Variants in PLD5 observed in about 807,000 individuals in gnomAD.
The protein encoded by PLD5 is phospholipase D family member 5.
Under a neutral mutation model 61.1 loss-of-function variants are expected in PLD5, and 36 were observed. The observed-to-expected ratio is 0.59, with a 90% CI of 0.45 to 0.78. The LOEUF (loss-of-function observed/expected upper bound fraction) is 0.78, where lower values mean the gene tolerates loss of function less well. PLD5 is among the 30% of genes least tolerant of loss of function. The probability of loss-of-function intolerance (pLI) is 0.00; values close to 1 mark genes in which losing one functional copy is unlikely to be tolerated. For missense variants in PLD5, 515 were observed against 644.4 expected (o/e 0.80, Z 2.17); for synonymous variants, 243 against 242.8 (o/e 1.00, Z -0.01).
intron 2 of PLD5, among the ~76,000 whole-genome samples, chr1:242,347,421 T>G (rs945970199): frequency 8.5e-5 from 13 of 152,176 alleles, no homozygotes; most frequent in African/African-American, 3.1e-4. Context: ...CTGCCTGCTT[T>G]TGGTACTTTT....
chr1:242,180,046 TTTTAG>T, intron 5 of PLD5, among the ~76,000 whole-genome samples: 1 of 152,274 alleles, frequency 6.6e-6, no homozygotes, highest in African/African-American at 2.4e-5. Flanking sequence ...GTGCTTTTGC[TTTTAG>T]TTTATTTAAA....
chr1:242,195,332 A>G (rs1253542057), intron 5 of PLD5, among the ~76,000 whole-genome samples: 1 of 152,186 alleles, frequency 6.6e-6, no homozygotes, highest in African/African-American at 2.4e-5. Flanking sequence ...TCAGAGGGTA[A>G]AGAGAGCAGA....
intron 2 of PLD5, among the ~76,000 whole-genome samples, chr1:242,320,884 A>T (rs1431309373): frequency 6.6e-6 from 1 of 152,040 alleles, no homozygotes; most frequent in Non-Finnish European, 1.5e-5. Context: ...TGATTCTAAC[A>T]TGCAGCTAAC....
At chr1:242,225,977 C>A (rs1343980562) in intron 4 of PLD5, among the ~76,000 whole-genome samples, 1 of 152,150 alleles carries the variant, frequency 6.6e-6, no homozygotes, top group Non-Finnish European at 1.5e-5. Context: ...AGCGTCTGTA[C>A]CAGTTTGCAT....
intron 9 of PLD5, among the ~76,000 whole-genome samples, chr1:242,093,134 G>T (rs1433916094): frequency 6.6e-6 from 1 of 152,142 alleles, no homozygotes; most frequent in South Asian, 2.1e-4. Context: ...TGTTGGTGTC[G>T]CTGCCCAGAG....
intron 1 of PLD5, among the ~76,000 whole-genome samples, chr1:242,448,783 T>C (rs529802880): frequency 6.6e-6 from 1 of 152,314 alleles, no homozygotes; most frequent in African/African-American, 2.4e-5. Flanking sequence ...CAAAGTCAGA[T>C]CGTTCTTTCT....
At chr1:242,148,900 G>T (rs1664727370) in intron 5 of PLD5, among the ~76,000 whole-genome samples, 2 of 151,734 alleles carry the variant, frequency 1.3e-5, no homozygotes, top group Admixed American at 1.3e-4. Flanking sequence ...AACATACTTA[G>T]TTTTAGTAAC....
chr1:242,324,331 G>A (rs1558465166), intron 2 of PLD5, among the ~76,000 whole-genome samples: 1 of 152,142 alleles, frequency 6.6e-6, no homozygotes, highest in Non-Finnish European at 1.5e-5. Context: ...ATTAAAAAAC[G>A]AATTTGCACG....
intron 4 of PLD5, among the ~76,000 whole-genome samples, chr1:242,228,718 G>C (rs954577915): frequency 6.7e-6 from 1 of 149,254 alleles, no homozygotes; most frequent in Admixed American, 6.8e-5. Flanking sequence ...GAGAGAGAGA[G>C]GAAGAGGAGA....
intron 4 of PLD5, among the ~76,000 whole-genome samples, chr1:242,228,607 A>G (rs1294147809): frequency 2.6e-5 from 4 of 152,002 alleles, no homozygotes; most frequent in African/African-American, 9.7e-5. Context: ...GTCCAAGTCC[A>G]CATAATAGAA....
chr1:242,473,116 T>G (rs900192413), intron 1 of PLD5, among the ~76,000 whole-genome samples: 1 of 152,218 alleles, frequency 6.6e-6, no homozygotes, highest in African/African-American at 2.4e-5. Flanking sequence ...AGTACAATGA[T>G]GCTTAATCAG....
At chr1:242,315,360 GAAATTAT>G (rs367600751) in intron 2 of PLD5, among the ~76,000 whole-genome samples, 261 of 152,306 alleles carry the variant, frequency 1.7e-3, no homozygotes, top group African/African-American at 6.1e-3. Context: ...AAATATGCAA[GAAATTAT>G]AAATTTCTTG....
At chr1:242,392,658 C>T (rs1663003561) in intron 1 of PLD5, among the ~76,000 whole-genome samples, 1 of 152,138 alleles carries the variant, frequency 6.6e-6, no homozygotes, top group Non-Finnish European at 1.5e-5. Flanking sequence ...GGGTTTAGAG[C>T]ACTCAGAGGA....
In PLD5 at chr1:242,089,926, C is replaced by G. The variant is rs770652663; in HGVS notation, c.1539G>C (p.Leu513=). 1 of 1,614,154 alleles carries G rather than the reference C, an allele frequency of 6.2e-7. No individual in the cohort carries two copies. ...QPTKQPNCSS[L]FKLKPLSNKT... is the part of the protein sequence containing the mutation. Reference sequence around the variant, plus strand: ...TGTTGGAGAGGGGTTTGAGTTTGAACAGGCTTGAGCAGTTCGGCTGTTTGG... The same window carrying G: ...TGTTGGAGAGGGGTTTGAGTTTGAAGAGGCTTGAGCAGTTCGGCTGTTTGG... Residue 513 remains leucine, a synonymous_variant, in exon 10 of 10, where the codon CTG becomes CTC. Coordinates refer to ENST00000536534, the MANE Select transcript of PLD5 (RefSeq NM_001372062.1).
chr1:242,274,646 C>T (rs1674308047), intron 3 of PLD5, among the ~76,000 whole-genome samples: 1 of 151,996 alleles, frequency 6.6e-6, no homozygotes. Flanking sequence ...CCCAGCTACT[C>T]AGGAGGCTGA....
intron 5 of PLD5, among the ~76,000 whole-genome samples, chr1:242,133,036 C>T (rs1439343446): frequency 6.6e-6 from 1 of 151,144 alleles, no homozygotes; most frequent in Non-Finnish European, 1.5e-5. Flanking sequence ...CCCACCCCCG[C>T]ACACCGCCCA....
chr1:242,123,459 C>T (rs1662539021), intron 6 of PLD5, among the ~76,000 whole-genome samples: 1 of 152,152 alleles, frequency 6.6e-6, no homozygotes, highest in African/African-American at 2.4e-5. Flanking sequence ...AGGAGGACAT[C>T]CCATCGCAGA....
intron 2 of PLD5, among the ~76,000 whole-genome samples, chr1:242,341,595 C>G (rs1002409540): frequency 7.4e-6 from 1 of 135,084 alleles, no homozygotes; most frequent in African/African-American, 2.8e-5. Context: ...GAATTTGGCC[C>G]TTGCTATACT....
intron 1 of PLD5, among the ~76,000 whole-genome samples, chr1:242,493,337 G>A (rs1320229669): frequency 6.6e-6 from 1 of 152,084 alleles, no homozygotes; most frequent in Non-Finnish European, 1.5e-5. Flanking sequence ...AAGCTGGGAG[G>A]CCACGCAGCG....
Sources: gnomAD v4.1 joint callset for allele counts (sites outside exome capture counted in the v4.1 genomes callset) on GRCh38, gnomAD v4.1.1 for gene constraint, MANE v1.5 for transcripts, NCBI Gene and HGNC (gene_info 2026-07-23, HGNC 2026-07-21) for gene names.